The following MAGI1 variants were observed in gnomAD, a reference collection of about 807,000 sequenced individuals.
MAGI1 encodes the protein membrane associated guanylate kinase, WW and PDZ domain containing 1, also known as membrane-associated guanylate kinase, WW and PDZ domain-containing protein 1.
A neutral mutation model predicts 139.9 loss-of-function variants in MAGI1; 58 were observed. That is an observed-to-expected ratio of 0.41 (90% confidence interval 0.34 to 0.52). The LOEUF (loss-of-function observed/expected upper bound fraction) is 0.52, where lower values mean the gene tolerates loss of function less well. Among genes scored for constraint, MAGI1 ranks in the 20% least tolerant of loss-of-function variants. The pLI is 0.12. For synonymous variants in MAGI1, 812 were observed against 737.9 expected, an observed-to-expected ratio of 1.10 and a Z score of -1.63; for missense variants, 1,874 against 1,901.6, an observed-to-expected ratio of 0.99 and a Z score of 0.27.
intron 2 of MAGI1, among the ~76,000 whole-genome samples, chr3:65,593,349 A>G (rs781225178): frequency 1.3e-5 from 2 of 152,214 alleles, no homozygotes; most frequent in African/African-American, 2.4e-5. Flanking sequence ...TGTGGCAAAG[A>G]AATATACCCA....
intron 1 of MAGI1, among the ~76,000 whole-genome samples, chr3:65,641,425 T>A (rs2084980315): frequency 6.6e-6 from 1 of 152,196 alleles, no homozygotes; most frequent in South Asian, 2.1e-4. Flanking sequence ...TAGGCATCGG[T>A]ATTTTTTTTC....
intron 1 of MAGI1, among the ~76,000 whole-genome samples, chr3:66,027,812 G>A (rs553952256): frequency 6.6e-6 from 1 of 152,236 alleles, no homozygotes; most frequent in African/African-American, 2.4e-5. Context: ...CCCTTGAGGG[G>A]CTGTTGTGTA....
intron 5 of MAGI1, among the ~76,000 whole-genome samples, chr3:65,464,639 C>G (rs1432954609): frequency 3.9e-5 from 6 of 152,120 alleles, no homozygotes; most frequent in African/African-American, 1.4e-4. Flanking sequence ...CCTTTACTTT[C>G]AACATACCTA....
chr3:65,594,608 GGTGTCAGT>G (rs1173515130), intron 2 of MAGI1, among the ~76,000 whole-genome samples: 2 of 152,080 alleles, frequency 1.3e-5, no homozygotes, highest in Non-Finnish European at 2.9e-5. Flanking sequence ...GGTGCCAGAG[GGTGTCAGT>G]ATGACTGCGA....
intron 1 of MAGI1, among the ~76,000 whole-genome samples, chr3:65,634,511 A>G (rs2084491104): frequency 6.6e-6 from 1 of 152,202 alleles, no homozygotes; most frequent in African/African-American, 2.4e-5. Context: ...CAAATTCACC[A>G]GCTTGCCTTG....
intron 1 of MAGI1, among the ~76,000 whole-genome samples, chr3:65,657,718 TTGTC>T (rs1352094308): frequency 1.3e-5 from 2 of 152,216 alleles, no homozygotes; most frequent in Non-Finnish European, 2.9e-5. Flanking sequence ...AAGCTGAGCT[TTGTC>T]TGGTAACAAT....
chr3:65,954,740 T>G (rs1381932025), intron 1 of MAGI1, among the ~76,000 whole-genome samples: 4 of 152,062 alleles, frequency 2.6e-5, no homozygotes, highest in Non-Finnish European at 5.9e-5. Context: ...AAGTCAAGTT[T>G]CTTAAACACT....
rs935460260 is a variant in MAGI1, at chr3:65,356,055, G to T, written c.*323C>A. The stretch of plus-strand genomic sequence containing the variant: ...GCCCCATTTAACCAGGAGAGAAAAA[G>T]ATTGCCCCAAAACGGGAACAATTCT... On this transcript the variant is annotated 3_prime_UTR_variant, in exon 23 of 23. Coordinates refer to ENST00000402939, the MANE Select transcript of MAGI1 (RefSeq NM_001033057.2). The T allele has an allele frequency of 1.1e-4, 22 of 200,390 alleles. No individual in the cohort carries two copies. Among genetic ancestry groups the T allele is most frequent in the Non-Finnish European group, 2.2e-4 (22 of 100,730 alleles). 12.4% of individuals were successfully genotyped at this position (200,390 alleles called of 1,614,324 possible). A position where few individuals can be genotyped will look rare whatever the true frequency, so the allele number is the denominator to read the frequency against.
At chr3:65,944,657 A>G (rs1236456091) in intron 1 of MAGI1, among the ~76,000 whole-genome samples, 1 of 152,242 alleles carries the variant, frequency 6.6e-6, no homozygotes, top group African/African-American at 2.4e-5. Context: ...GGAGGGAGCC[A>G]TGAAGGGAGT....
intron 1 of MAGI1, among the ~76,000 whole-genome samples, chr3:65,918,100 T>C (rs2061994233): frequency 6.6e-6 from 1 of 151,590 alleles, no homozygotes; most frequent in Non-Finnish European, 1.5e-5. Flanking sequence ...TAACGAAGTC[T>C]ATTGTTTTTA....
intron 2 of MAGI1, among the ~76,000 whole-genome samples, chr3:65,586,084 C>T (rs979000591): frequency 1.3e-5 from 2 of 151,954 alleles, no homozygotes; most frequent in African/African-American, 4.8e-5. Flanking sequence ...GTGGCGCATG[C>T]CTGTACCCTC....
chr3:65,698,570 T>C (rs935324479), intron 1 of MAGI1, among the ~76,000 whole-genome samples: 6 of 151,988 alleles, frequency 3.9e-5, no homozygotes, highest in East Asian at 1.9e-4. Flanking sequence ...GAAATAACGC[T>C]GCATATCTAC....
At chr3:65,989,873 GT>G (rs67849205) in intron 1 of MAGI1, among the ~76,000 whole-genome samples, 17,845 of 152,122 alleles carry the variant, frequency 0.12, 1,508 homozygotes, top group African/African-American at 0.24. Flanking sequence ...CAGTTGTTGT[GT>G]TCATTTTACT....
chr3:65,957,531 AAAAG>A (rs537432373), intron 1 of MAGI1, among the ~76,000 whole-genome samples: 10,754 of 132,748 alleles, frequency 0.081, 571 homozygotes, highest in African/African-American at 0.1. Context: ...AAAAAAAAAA[AAAAG>A]AAAAAGAAAA....
rs532649444 is a variant in MAGI1, at chr3:65,470,385, T to G, written c.857A>C (p.Lys286Thr). Residue 286 changes from lysine to threonine, a missense_variant, in exon 5 of 23, where the codon AAG (lysine) becomes ACG (threonine). Physicochemically the swap from Lys to Thr is moderately conservative, Grantham distance 78 (BLOSUM62 -1). Around this residue, in one of 5 missense-constraint regions of MAGI1, gnomAD observed 648 missense variants for 598.1 expected, o/e 1.08. Coordinates refer to ENST00000402939, the MANE Select transcript of MAGI1 (RefSeq NM_001033057.2). ...IAAPITDPSQ[K>T]FPQYLPLSAE... ...AGAAAGAGGTAGGTATTGAGGGAAC[T>G]TCTGAGAAGGGTCCGTGATGGGAGC... is the stretch of plus-strand genomic sequence containing the variant. The G allele has an allele frequency of 6.2e-7, 1 of 1,613,962 alleles. No homozygotes were observed. The highest frequency in any genetic ancestry group is 1.3e-5 in the African/African-American group (1 of 75,016).
At chr3:65,374,778 T>TC (rs1942338196) in intron 18 of MAGI1, among the ~76,000 whole-genome samples, 2 of 152,312 alleles carry the variant, frequency 1.3e-5, no homozygotes, top group South Asian at 4.1e-4. Context: ...ATGCCAATGT[T>TC]CCCTGGGGGG....
chr3:65,517,390 T>G (rs72893018), intron 2 of MAGI1, among the ~76,000 whole-genome samples: 3,993 of 152,232 alleles, frequency 0.026, 159 homozygotes, highest in African/African-American at 0.091. Context: ...TCCTGCTTTA[T>G]CTTTCTCCAC....
chr3:65,949,091 ACACT>A (rs1476918723), intron 1 of MAGI1, among the ~76,000 whole-genome samples: 1 of 152,210 alleles, frequency 6.6e-6, no homozygotes, highest in African/African-American at 2.4e-5. Context: ...CCTCCGGAGC[ACACT>A]TCCATTGCTG....
intron 1 of MAGI1, among the ~76,000 whole-genome samples, chr3:65,708,043 T>C (rs2030691922): frequency 1.3e-5 from 2 of 152,182 alleles, no homozygotes; most frequent in Admixed American, 6.5e-5. Context: ...GAATTGGACA[T>C]AGTTCTACAT....
Sources: gnomAD v4.1 joint callset for allele counts (sites outside exome capture counted in the v4.1 genomes callset) on GRCh38, gnomAD v4.1.1 for gene constraint, gnomAD v4.1.1 regional missense constraint, MANE v1.5 for transcripts, NCBI Gene and HGNC (gene_info 2026-07-23, HGNC 2026-07-21) for gene names.